Variants in ERMP1 observed in about 807,000 individuals in gnomAD.
ERMP1 encodes the protein endoplasmic reticulum metallopeptidase 1.
Under a neutral mutation model 92.0 loss-of-function variants are expected in ERMP1, and 86 were observed. The ratio of observed to expected loss-of-function variants is 0.93; its 90% CI spans 0.79 to 1.12. The LOEUF (loss-of-function observed/expected upper bound fraction) is 1.12. Ranked by LOEUF, ERMP1 falls within the 50% of genes most tolerant of loss-of-function variation. ERMP1 has a pLI of 0.00. For missense variants in ERMP1, 1,342 were observed against 1,116.3 expected (o/e 1.20, Z -2.88); for synonymous variants, 530 against 412.8 (o/e 1.28, Z -3.44).
At chr9:5,857,154 C>T (rs940650489) in intron 6 of ERMP1, among the ~76,000 whole-genome samples, 7 of 151,950 alleles carry the variant, frequency 4.6e-5, no homozygotes, top group Non-Finnish European at 8.8e-5. Context: ...CCCAAGTAGC[C>T]GGGACTACAG....
At chr9:5,851,305 C>A (rs1222976366) in intron 6 of ERMP1, among the ~76,000 whole-genome samples, 1 of 152,120 alleles carries the variant, frequency 6.6e-6, no homozygotes, top group African/African-American at 2.4e-5. Flanking sequence ...CATAGCTTTT[C>A]TTTCATTTGT....
chr9:5,833,194 T>C, upstream of ERMP1: 1 of 624,318 alleles, frequency 1.6e-6, no homozygotes, highest in Non-Finnish European at 2.5e-6. Context: ...CCAGCTTCTT[T>C]GGCAGTTCTC....
chr9:5,816,731 C>G (rs1030286391), intron 4 of ERMP1, among the ~76,000 whole-genome samples: 1 of 152,124 alleles, frequency 6.6e-6, no homozygotes, highest in Non-Finnish European at 1.5e-5. Flanking sequence ...CGGAATGGAT[C>G]AATTGTTGTA....
At chr9:5,788,243 G>C (rs1316203101) in intron 13 of ERMP1, among the ~76,000 whole-genome samples, 1 of 152,200 alleles carries the variant, frequency 6.6e-6, no homozygotes, top group African/African-American at 2.4e-5. Flanking sequence ...TCACACACTT[G>C]TGCCCACCCT....
chr9:5,809,576 G>GCT (rs1480580370), intron 8 of ERMP1, among the ~76,000 whole-genome samples: 1 of 152,224 alleles, frequency 6.6e-6, no homozygotes, highest in African/African-American at 2.4e-5. Flanking sequence ...ACAAATACTT[G>GCT]CTGTGTGTTA....
In ERMP1 at chr9:5,832,837, G is replaced by A. The variant is rs777802278; in HGVS notation, c.191C>T (p.Ala64Val). ...PGGSGGASRG[A>V]GTGLSEVRAA... The stretch of plus-strand genomic sequence containing the variant: ...GCGCACCTCAGACAGCCCGGTCCCC[G>A]CGCCCCTGCTCGCGCCGCCGCTACC... The change falls in exon 1 of 15, where the codon GCG becomes GTG. Residue 64 changes from alanine (A) to valine (V), a missense_variant. By Grantham distance (64) the Ala-to-Val change is moderately conservative (BLOSUM62 0). Transcript: ENST00000339450. The A allele has an allele frequency of 1.5e-5, 23 of 1,502,306 alleles. 1 individual carries two copies. The South Asian group carries it at 2.4e-4, about 15-fold the overall frequency. The allele number at this position is 1,502,306 out of a possible 1,614,324, so 93.1% of individuals were successfully genotyped here.
At chr9:5,810,311 C>T in intron 7 of ERMP1, 80 bp from the exon 8 acceptor site, 1 of 1,036,224 alleles carries the variant, frequency 9.7e-7, no homozygotes, top group Non-Finnish European at 1.4e-6. Flanking sequence ...GCTAAATGGG[C>T]AAACATTAAA....
chr9:5,849,143 T>C (rs1830275861), intron 6 of ERMP1, among the ~76,000 whole-genome samples: 1 of 152,172 alleles, frequency 6.6e-6, no homozygotes, highest in South Asian at 2.1e-4. Context: ...CTGACTGGGC[T>C]TCCCGAGTAG....
intron 13 of ERMP1, among the ~76,000 whole-genome samples, chr9:5,788,563 A>T (rs186779392): frequency 6.6e-6 from 1 of 152,232 alleles, no homozygotes; most frequent in African/African-American, 2.4e-5. Context: ...AACTTCCTAA[A>T]GAATCTGGAC....
intron 4 of ERMP1, 126 bp downstream of exon 4, chr9:5,823,770 C>T: frequency 1.4e-6 from 1 of 698,940 alleles, no homozygotes; most frequent in African/African-American, 1.8e-5. Flanking sequence ...CTAACACCAC[C>T]TCATGCTTTA....
intron 2 of ERMP1, among the ~76,000 whole-genome samples, chr9:5,825,470 A>G (rs369096522): frequency 3.0e-4 from 46 of 152,300 alleles, no homozygotes; most frequent in African/African-American, 1.0e-3. Context: ...GAGTCACTCA[A>G]TTAGTGTCTG....
At chr9:5,824,691 G>A (rs187437714) in intron 3 of ERMP1, among the ~76,000 whole-genome samples, 25 of 152,204 alleles carry the variant, frequency 1.6e-4, no homozygotes, top group Admixed American at 7.9e-4. Flanking sequence ...ATGAGCCAGC[G>A]TGCCTGGCCC....
intron 4 of ERMP1, among the ~76,000 whole-genome samples, chr9:5,817,209 A>G (rs1325753421): frequency 7.4e-6 from 1 of 135,480 alleles, no homozygotes; most frequent in Non-Finnish European, 1.6e-5. Context: ...TTTTTTTGAG[A>G]CAGAGTCTCT....
At chr9:5,852,252 GTTTT>G (rs33978241) in intron 6 of ERMP1, among the ~76,000 whole-genome samples, 10,444 of 149,352 alleles carry the variant, frequency 0.07, 448 homozygotes, top group Middle Eastern at 0.11. Flanking sequence ...GCAGCAGAGT[GTTTT>G]TTTTTGTTTT....
In ERMP1 at chr9:5,808,624, GGCTTACATGGA is replaced by G. The variant is rs147262712; in HGVS notation, c.1548+1376_1548+1386del. Among the ~76,000 whole-genome samples, 174 of 152,238 alleles carry G rather than the reference GGCTTACATGGA, an allele frequency of 1.1e-3. 5 individuals carry two copies. The East Asian group carries it at 0.033, about 29-fold the overall frequency. ...TTATCAGGATAAATTGAAAACAGTA[GGCTTACATGGA>G]GCTAAGAAAGATCTTCCTCTTTAAT... On this transcript the variant is annotated intron_variant, in intron 8 of 14. Coordinates refer to ENST00000339450, the MANE Select transcript of ERMP1 (RefSeq NM_024896.3).
At chr9:5,797,363 G>T (rs1416399425) in intron 13 of ERMP1, among the ~76,000 whole-genome samples, 1 of 151,466 alleles carries the variant, frequency 6.6e-6, no homozygotes, top group Admixed American at 6.6e-5. Context: ...GTCATAACCA[G>T]CTTTGGCCGG....
chr9:5,839,509 A>G (rs1176077135), intron 6 of ERMP1, among the ~76,000 whole-genome samples: 4 of 152,204 alleles, frequency 2.6e-5, no homozygotes, highest in Non-Finnish European at 4.4e-5. Flanking sequence ...TCACTGACTC[A>G]TGTGAATTTG....
intron 6 of ERMP1, among the ~76,000 whole-genome samples, chr9:5,850,465 G>C (rs1377978287): frequency 1.3e-5 from 2 of 149,928 alleles, no homozygotes; most frequent in African/African-American, 2.5e-5. Flanking sequence ...AAATTCCCTG[G>C]CCTTCTGGGG....
At chr9:5,791,273 G>T (rs1380392689) in intron 13 of ERMP1, 2 of 456,772 alleles carry the variant, frequency 4.4e-6, no homozygotes, top group Non-Finnish European at 8.8e-6. Context: ...CTGAAGGATA[G>T]GCAGGCAGGC....
Sources: allele counts gnomAD v4.1 joint callset (sites outside exome capture counted in the v4.1 genomes callset), GRCh38; gene constraint gnomAD v4.1.1; transcripts MANE v1.5; gene names NCBI Gene and HGNC (gene_info 2026-07-23, HGNC 2026-07-21).